The following GALNT17 variants were observed in gnomAD, a reference collection of about 807,000 sequenced individuals.
The protein encoded by GALNT17 is polypeptide N-acetylgalactosaminyltransferase 17.
Under a neutral mutation model 63.7 loss-of-function variants are expected in GALNT17, and 29 were observed. The observed-to-expected ratio is 0.46, with a 90% confidence interval of 0.34 to 0.62. The LOEUF is 0.62. GALNT17 is among the 20% of genes least tolerant of loss of function. The pLI is 0.01. For synonymous variants in GALNT17, 305 were observed against 318.3 expected (o/e 0.96, Z 0.45); for missense variants, 603 against 799.6 (o/e 0.75, Z 2.97).
chr7:71,170,316 CTTTATTT>C lies in GALNT17; in HGVS notation c.238+37283_238+37289del, dbSNP rs972082805. 7.9e-5 allele frequency among the ~76,000 whole-genome samples: 12 copies of C among 151,944 alleles called. No homozygotes were observed. The Middle Eastern group carries it at 0.01, about 130-fold the overall frequency. ...GATATGTTCAGTTTAAAAGTTGAAGCTTTATTTTTTATTATTTATTTATTTATTTATT... is the reference window on the plus strand; with the variant it reads ...GATATGTTCAGTTTAAAAGTTGAAGCTTTATTATTTATTTATTTATTTATT... On this transcript the variant is annotated intron_variant, in intron 1 of 10. Coordinates refer to ENST00000333538, the MANE Select transcript of GALNT17 (RefSeq NM_022479.3).
chr7:71,409,095 G>A (rs1793385462), intron 3 of GALNT17, among the ~76,000 whole-genome samples: 1 of 150,350 alleles, frequency 6.7e-6, no homozygotes, highest in African/African-American at 2.5e-5. Flanking sequence ...TTTTGGAAAT[G>A]GCATGCCAAA....
Position 71,712,170 on chromosome 7 carries a change from G to T in GALNT17, c.*24G>T, listed in dbSNP as rs751177240. On this transcript the variant is annotated 3_prime_UTR_variant, in exon 11 of 11. Coordinates refer to ENST00000333538, the MANE Select transcript of GALNT17 (RefSeq NM_022479.3). The stretch of plus-strand genomic sequence containing the variant: ...AGAGGGAGGGAGCTGGGGCACTGGA[G>T]CCTGGCCCCCAGGACATGGCTGCTC... 6.9e-6 allele frequency: 11 copies of T among 1,605,800 alleles called. No individual in the cohort carries two copies. Among genetic ancestry groups the T allele is most frequent in the South Asian group, 5.5e-5 (5 of 90,224 alleles).
At position 71,512,904 on chromosome 7, in the gene GALNT17, T is replaced by G. The variant is rs144678188; in HGVS notation, c.963-58381T>G. ...GATTGTCAAATGGGCCAAGATTCCTTTAGCTCCAACCTGGCCTCCTCTTTT... is the reference window on the plus strand; with the variant it reads ...GATTGTCAAATGGGCCAAGATTCCTGTAGCTCCAACCTGGCCTCCTCTTTT... On this transcript the variant is annotated intron_variant, in intron 5 of 10. Transcript: ENST00000333538. Among the ~76,000 whole-genome samples, 580 of 152,346 alleles carry G rather than the reference T, an allele frequency of 3.8e-3. 4 individuals are homozygous for G. Among genetic ancestry groups the G allele is most frequent in the African/African-American group, 0.013 (560 of 41,578 alleles).
intron 1 of GALNT17, among the ~76,000 whole-genome samples, chr7:71,282,309 A>T (rs768133703): frequency 6.6e-6 from 1 of 152,210 alleles, no homozygotes; most frequent in South Asian, 2.1e-4. Flanking sequence ...GGGGTTTGAG[A>T]TGCAACCAGA....
intron 9 of GALNT17, among the ~76,000 whole-genome samples, chr7:71,708,987 A>T (rs939663502): frequency 2.6e-5 from 4 of 152,228 alleles, no homozygotes; most frequent in Middle Eastern, 3.4e-3. Flanking sequence ...TTGATTGCAT[A>T]CCTTTGCTAT....
chr7:71,406,058 A>G (rs367766751), intron 3 of GALNT17, among the ~76,000 whole-genome samples: 1 of 152,314 alleles, frequency 6.6e-6, no homozygotes, highest in East Asian at 1.9e-4. Flanking sequence ...ACGAGTTTCC[A>G]AGACAGCCCA....
chr7:71,461,952 G>A (rs1233828265), intron 5 of GALNT17, among the ~76,000 whole-genome samples: 1 of 152,188 alleles, frequency 6.6e-6, no homozygotes, highest in Non-Finnish European at 1.5e-5. Flanking sequence ...TTGAAAACTG[G>A]CTTAATTGGC....
At chr7:71,454,430 G>A (rs945124415) in intron 5 of GALNT17, among the ~76,000 whole-genome samples, 5 of 152,144 alleles carry the variant, frequency 3.3e-5, no homozygotes, top group East Asian at 1.9e-4. Flanking sequence ...ATTCCATGGT[G>A]TATATGTACC....
intron 1 of GALNT17, among the ~76,000 whole-genome samples, chr7:71,335,256 C>T (rs951874088): frequency 9.2e-5 from 14 of 152,108 alleles, no homozygotes; most frequent in Admixed American, 4.6e-4. Context: ...CTCAGCCTCT[C>T]GAGTAGCTGG....
chr7:71,529,668 G>C (rs1014710592), intron 5 of GALNT17, among the ~76,000 whole-genome samples: 1 of 152,126 alleles, frequency 6.6e-6, no homozygotes, highest in Non-Finnish European at 1.5e-5. Flanking sequence ...GCTTCAAGTA[G>C]CATTCTTTAT....
intron 1 of GALNT17, among the ~76,000 whole-genome samples, chr7:71,198,023 C>G (rs1180551952): frequency 1.3e-5 from 2 of 151,904 alleles, no homozygotes; most frequent in East Asian, 3.9e-4. Flanking sequence ...CATGGTGAAA[C>G]TGTCTCTACT....
intron 8 of GALNT17, among the ~76,000 whole-genome samples, chr7:71,674,951 C>T (rs1459024053): frequency 1.3e-5 from 2 of 152,094 alleles, no homozygotes; most frequent in Non-Finnish European, 2.9e-5. Flanking sequence ...TTTGGGAGGC[C>T]GAGGCAGGTG....
chr7:71,250,467 A>T (rs189826479), intron 1 of GALNT17, among the ~76,000 whole-genome samples: 12 of 150,428 alleles, frequency 8.0e-5, no homozygotes, highest in Admixed American at 4.0e-4. Flanking sequence ...TTTACGATTG[A>T]TATCCTGGAG....
At chr7:71,588,717 A>G (rs981120081) in intron 6 of GALNT17, among the ~76,000 whole-genome samples, 2 of 152,122 alleles carry the variant, frequency 1.3e-5, no homozygotes, top group Admixed American at 6.6e-5. Flanking sequence ...GAAGCTGCCA[A>G]TCTGGACTTC....
chr7:71,624,859 G>T (rs897446340), intron 6 of GALNT17, among the ~76,000 whole-genome samples: 7 of 152,132 alleles, frequency 4.6e-5, no homozygotes, highest in African/African-American at 1.4e-4. Context: ...TTGAGGTCCT[G>T]GTAGACAGCA....
chr7:71,539,835 G>A (rs952138245), intron 5 of GALNT17, among the ~76,000 whole-genome samples: 3 of 148,374 alleles, frequency 2.0e-5, no homozygotes, highest in Non-Finnish European at 3.0e-5. Flanking sequence ...CAAGTAGCTG[G>A]GACTACAGTC....
intron 5 of GALNT17, among the ~76,000 whole-genome samples, chr7:71,552,783 A>G (rs990429403): frequency 3.3e-5 from 5 of 152,110 alleles, no homozygotes; most frequent in African/African-American, 1.2e-4. Context: ...TATTTTAGCC[A>G]AAAATGAAGG....
intron 6 of GALNT17, among the ~76,000 whole-genome samples, chr7:71,631,198 CTT>C (rs113080267): frequency 6.9e-6 from 1 of 145,134 alleles, no homozygotes. Flanking sequence ...TTTATTTTTA[CTT>C]TTTTTTTTTT....
intron 6 of GALNT17, among the ~76,000 whole-genome samples, chr7:71,652,313 G>GAC (rs1790765679): frequency 6.6e-6 from 1 of 152,004 alleles, no homozygotes; most frequent in Non-Finnish European, 1.5e-5. Context: ...TCCCATTTCT[G>GAC]AGAAGCAGTC....
Sources: gnomAD v4.1 joint callset for allele counts (sites outside exome capture counted in the v4.1 genomes callset) on GRCh38, gnomAD v4.1.1 for gene constraint, MANE v1.5 for transcripts, NCBI Gene and HGNC (gene_info 2026-07-23, HGNC 2026-07-21) for gene names.